Variants in BRINP3 observed in about 807,000 individuals in gnomAD.
The protein encoded by BRINP3 is BMP/retinoic acid inducible neural specific 3.
BRINP3 carries 19 observed loss-of-function variants against 71.0 expected under a neutral mutation model. The ratio of observed to expected loss-of-function variants is 0.27; its 90% CI spans 0.19 to 0.39. BRINP3 has a LOEUF of 0.39. Ranked by LOEUF, BRINP3 falls within the 10% of genes least tolerant of loss-of-function variation. BRINP3 has a pLI of 1.00. For synonymous variants in BRINP3, 380 were observed against 337.7 expected (o/e 1.13, Z -1.37); for missense variants, 959 against 940.8 (o/e 1.02, Z -0.25).
At position 190,396,750 on chromosome 1, in the gene BRINP3, G is replaced by A. The variant is rs12741636; in HGVS notation, c.236+57905C>T. 7.6e-3 allele frequency among the ~76,000 whole-genome samples: 716 copies of A among 93,902 alleles called. 4 individuals carry two copies. The highest frequency in any genetic ancestry group is 0.011 in the Middle Eastern group (2 of 176). The allele number at this position is 93,902 out of a possible 152,430, so 61.6% of individuals were successfully genotyped here. A position where few individuals can be genotyped will look rare whatever the true frequency, so the allele number is the denominator to read the frequency against. ...TATATATATATATATGTAACTAACA[G>A]ATTTCTATATTATTACTAACTGATC... is the stretch of plus-strand genomic sequence containing the variant. On this transcript the variant is annotated intron_variant, in intron 2 of 7. Coordinates refer to ENST00000367462, the MANE Select transcript of BRINP3 (RefSeq NM_199051.3).
chr1:190,328,333 C>G (rs1202274520), intron 2 of BRINP3, among the ~76,000 whole-genome samples: 1 of 152,004 alleles, frequency 6.6e-6, no homozygotes, highest in African/African-American at 2.4e-5. Flanking sequence ...GAAAAATACA[C>G]AGAAGATTCA....
chr1:190,395,685 T>C (rs1671521149), intron 2 of BRINP3, among the ~76,000 whole-genome samples: 1 of 151,802 alleles, frequency 6.6e-6, no homozygotes, highest in South Asian at 2.1e-4. Flanking sequence ...AAAACCTACC[T>C]TCATTCAACT....
chr1:190,158,923 A>G (rs1030824010), intron 7 of BRINP3, among the ~76,000 whole-genome samples: 6 of 151,902 alleles, frequency 3.9e-5, no homozygotes, highest in Non-Finnish European at 8.8e-5. Context: ...GAAACTGAAA[A>G]GACACCTTAA....
rs371586089 is a variant in BRINP3 at position 190,430,957 on chromosome 1, GT to G, written c.236+23697del. Among the ~76,000 whole-genome samples, 548 of 147,154 alleles carry G rather than the reference GT, an allele frequency of 3.7e-3. 2 individuals are homozygous for G. Among genetic ancestry groups the G allele is most frequent in the African/African-American group, 0.012 (496 of 40,192 alleles). On this transcript the variant is annotated intron_variant, in intron 2 of 7. Transcript: ENST00000367462. ...TGTTCAAATGATAATTGTATAAAGT[GT>G]TTTTTTTTTACTCATCAAGCTTATT... is the stretch of plus-strand genomic sequence containing the variant.
intron 2 of BRINP3, among the ~76,000 whole-genome samples, chr1:190,344,297 G>A (rs1054296687): frequency 9.3e-5 from 14 of 151,348 alleles, no homozygotes; most frequent in African/African-American, 1.9e-4. Flanking sequence ...TTTCAATTTC[G>A]AGCTCAGTAA....
At chr1:190,438,949 T>C (rs1674642714) in intron 2 of BRINP3, among the ~76,000 whole-genome samples, 1 of 151,916 alleles carries the variant, frequency 6.6e-6, no homozygotes, top group Non-Finnish European at 1.5e-5. Context: ...CACTAGTATT[T>C]TCAGGCCTCT....
At chr1:190,247,053 T>G (rs1201659181) in intron 4 of BRINP3, among the ~76,000 whole-genome samples, 2 of 151,974 alleles carry the variant, frequency 1.3e-5, no homozygotes, top group East Asian at 1.9e-4. Context: ...ACTTGAAAAT[T>G]TTTTAAAATT....
Position 190,226,093 on chromosome 1 carries a change from A to T in BRINP3, c.950T>A (p.Phe317Tyr). The change falls in exon 6 of 8, where the codon TTT becomes TAT. Residue 317 changes from phenylalanine to tyrosine, a missense_variant. Transcript: ENST00000367462. ...AATACATGTCTTACCTGATTCCTCA[A>T]AGTCACTGTTGTAAGCTTTCCAGGT... ...TETWKAYNSD[F>Y]EESDEFKLFM... The T allele has an allele frequency of 6.3e-7, 1 of 1,586,620 alleles. No homozygotes were observed. Among genetic ancestry groups the T allele is most frequent in the East Asian group, 2.3e-5 (1 of 43,582 alleles).
chr1:190,345,094 C>T lies in BRINP3; in HGVS notation c.237-63344G>A, dbSNP rs529627311. Among the ~76,000 whole-genome samples the T allele has an allele frequency of 4.6e-5, 7 of 151,900 alleles. No homozygotes were observed. In the South Asian group the frequency reaches 1.2e-3, roughly 27 times the overall value. The stretch of plus-strand genomic sequence containing the variant: ...CCATTAACCTGCCAAGTAGTTTAGT[C>T]AGGGTCCTTGTTCATGTATGCACAC... On this transcript the variant is annotated intron_variant, in intron 2 of 7. Transcript: ENST00000367462.
intron 2 of BRINP3, among the ~76,000 whole-genome samples, chr1:190,325,596 T>C (rs815163): frequency 0.56 from 85,223 of 151,704 alleles, 24,194 homozygotes; most frequent in Admixed American, 0.68. Flanking sequence ...TCATCAAGGG[T>C]TGACAGAAAG....
In BRINP3 at chr1:190,454,813, A is replaced by T. The variant is rs1001570480; in HGVS notation, c.78T>A (p.His26Gln). Reference sequence around the variant, plus strand: ...CAGCAGCAACCGCTAAAACCCAGCAATGAAGACTCAGTGCTATCCACTCCC... The same window carrying T: ...CAGCAGCAACCGCTAAAACCCAGCATTGAAGACTCAGTGCTATCCACTCCC... ...ALWEWIALSLHCWVLAVAAVS... is the reference protein window; with the variant it reads ...ALWEWIALSLQCWVLAVAAVS... The change falls in exon 2 of 8, where the codon CAT becomes CAA. Residue 26 changes from histidine to glutamine, a missense_variant. Coordinates refer to ENST00000367462, the MANE Select transcript of BRINP3 (RefSeq NM_199051.3). The T allele has an allele frequency of 2.5e-6, 4 of 1,614,172 alleles. No individual in the cohort carries two copies. In the East Asian group the frequency reaches 8.9e-5, roughly 36 times the overall value.
Position 190,140,200 on chromosome 1 carries a change from C to A in BRINP3, c.1184+20468G>T, listed in dbSNP as rs145234312. Among the ~76,000 whole-genome samples, 402 of 152,236 alleles carry A rather than the reference C, an allele frequency of 2.6e-3. 2 individuals are homozygous for A. The highest frequency in any genetic ancestry group is 8.9e-3 in the African/African-American group (368 of 41,542). ...AAACATTACCAGAAGCATTTCTCCA[C>A]TTAAACTTTATTTCTTGCAAATATT... On this transcript the variant is annotated intron_variant, in intron 7 of 7. Transcript: ENST00000367462.
At chr1:190,185,818 CA>C (rs1432483889) in intron 6 of BRINP3, among the ~76,000 whole-genome samples, 1 of 151,998 alleles carries the variant, frequency 6.6e-6, no homozygotes, top group East Asian at 1.9e-4. Context: ...AGTCTACAAG[CA>C]AAAGGAATAG....
At chr1:190,209,558 G>A (rs922136993) in intron 6 of BRINP3, among the ~76,000 whole-genome samples, 3 of 152,088 alleles carry the variant, frequency 2.0e-5, no homozygotes, top group Non-Finnish European at 2.9e-5. Flanking sequence ...CTGTAAGAAT[G>A]AGAACCAGTA....
chr1:190,255,515 G>T (rs1211374202), intron 4 of BRINP3, among the ~76,000 whole-genome samples: 2 of 152,142 alleles, frequency 1.3e-5, no homozygotes, highest in Admixed American at 6.5e-5. Flanking sequence ...TCTTGGGAGG[G>T]TGTAGGTGTC....
intron 6 of BRINP3, among the ~76,000 whole-genome samples, chr1:190,193,874 G>T (rs1571324066): frequency 6.6e-6 from 1 of 152,038 alleles, no homozygotes; most frequent in East Asian, 1.9e-4. Flanking sequence ...CCCAGGGTAA[G>T]AGCCAATCTT....
chr1:190,278,458 G>T (rs994425855), intron 3 of BRINP3, among the ~76,000 whole-genome samples: 6 of 151,502 alleles, frequency 4.0e-5, no homozygotes, highest in African/African-American at 9.7e-5. Context: ...CCACTAAAAA[G>T]ATTTTAGTGT....
chr1:190,245,394 T>C (rs144585325), intron 4 of BRINP3, among the ~76,000 whole-genome samples: 212 of 151,850 alleles, frequency 1.4e-3, no homozygotes, highest in African/African-American at 4.8e-3. Context: ...AAGAAACATA[T>C]AGTGTGCATG....
chr1:190,103,658 A>T (rs1448503081), intron 7 of BRINP3, among the ~76,000 whole-genome samples: 1 of 152,050 alleles, frequency 6.6e-6, no homozygotes, highest in Non-Finnish European at 1.5e-5. Context: ...AATATGGAGG[A>T]ATATGTCTAC....
Sources: allele counts gnomAD v4.1 joint callset (sites outside exome capture counted in the v4.1 genomes callset), GRCh38; gene constraint gnomAD v4.1.1; transcripts MANE v1.5; gene names NCBI Gene and HGNC (gene_info 2026-07-23, HGNC 2026-07-21).